The following EXOC2 variants were observed in gnomAD, a reference collection of about 807,000 sequenced individuals.
The protein encoded by EXOC2 is SEC5-like 1.
In EXOC2, 70 loss-of-function variants were observed where a neutral mutation model predicts 131.8. That is an observed-to-expected ratio of 0.53 (90% CI 0.44 to 0.65). EXOC2 has a LOEUF of 0.65. Among genes scored for constraint, EXOC2 ranks in the 30% least tolerant of loss-of-function variants. The probability of loss-of-function intolerance (pLI) is 0.00; values close to 1 mark genes in which losing one functional copy is unlikely to be tolerated. For synonymous variants in EXOC2, 411 were observed against 398.4 expected, an observed-to-expected ratio of 1.03 and a Z score of -0.38; for missense variants, 923 against 1,108.6, an observed-to-expected ratio of 0.83 and a Z score of 2.38.
rs540626424 is a variant in EXOC2, at chr6:666,133, CA to C, written c.-44+26885del. Among the ~76,000 whole-genome samples, 820 of 152,218 alleles carry C rather than the reference CA, an allele frequency of 5.4e-3. 7 individuals carry two copies. The highest frequency in any genetic ancestry group is 0.018 in the African/African-American group (768 of 41,524). ...CCAAAAACTACTACACTGCCCTTCACAAAAAGAGTGTGCCAATCCGTTAGGT... is the reference window on the plus strand; with the variant it reads ...CCAAAAACTACTACACTGCCCTTCACAAAAGAGTGTGCCAATCCGTTAGGT... On this transcript the variant is annotated intron_variant, in intron 1 of 27. Coordinates refer to ENST00000230449, the MANE Select transcript of EXOC2 (RefSeq NM_018303.6).
At chr6:497,512 G>C in intron 24 of EXOC2, 23 bp from the exon 25 acceptor site, 1 of 1,589,308 alleles carries the variant, frequency 6.3e-7, no homozygotes, top group South Asian at 1.2e-5. Flanking sequence ...AGGAAGACAT[G>C]GTGCTTTGTG....
chr6:676,261 AACATTAC>A, intron 1 of EXOC2, among the ~76,000 whole-genome samples: 1 of 116,780 alleles, frequency 8.6e-6, no homozygotes, highest in Non-Finnish European at 1.8e-5. Context: ...CATACTCTTC[AACATTAC>A]GGAAAGGACA....
chr6:503,066 G>A (rs931428867), intron 23 of EXOC2, among the ~76,000 whole-genome samples: 1 of 152,112 alleles, frequency 6.6e-6, no homozygotes, highest in Non-Finnish European at 1.5e-5. Context: ...GCCTGTGCTG[G>A]TATTATAATT....
At chr6:602,873 C>T (rs1013879490) in intron 7 of EXOC2, among the ~76,000 whole-genome samples, 34 of 152,326 alleles carry the variant, frequency 2.2e-4, no homozygotes, top group African/African-American at 8.2e-4. Context: ...TAGCATTACA[C>T]ACCAGTCGGT....
intron 1 of EXOC2, among the ~76,000 whole-genome samples, chr6:685,974 TC>T (rs1284538568): frequency 2.5e-5 from 2 of 79,276 alleles, no homozygotes; most frequent in African/African-American, 7.3e-5. Flanking sequence ...TTCCTGGACC[TC>T]TTTTTTTTTT....
chr6:685,215 G>A (rs1764592205), intron 1 of EXOC2, among the ~76,000 whole-genome samples: 1 of 151,960 alleles, frequency 6.6e-6, no homozygotes, highest in African/African-American at 2.4e-5. Context: ...GCATCACCAG[G>A]GAACAAATCA....
chr6:499,346 A>G (rs1763907612), intron 24 of EXOC2, among the ~76,000 whole-genome samples: 1 of 152,100 alleles, frequency 6.6e-6, no homozygotes, highest in South Asian at 2.1e-4. Flanking sequence ...CATCCTTGCA[A>G]TCTATCTTCA....
chr6:659,274 C>T (rs1763304100), intron 1 of EXOC2, among the ~76,000 whole-genome samples: 1 of 152,202 alleles, frequency 6.6e-6, no homozygotes, highest in African/African-American at 2.4e-5. Context: ...CAGAAAGCAT[C>T]TTTGTCTTAT....
At chr6:577,396 A>AC (rs1300015147) in intron 11 of EXOC2, among the ~76,000 whole-genome samples, 1 of 152,168 alleles carries the variant, frequency 6.6e-6, no homozygotes, top group Non-Finnish European at 1.5e-5. Context: ...AGAACATTCT[A>AC]CTACCATCAA....
At chr6:635,442 T>TA (rs1333553435) in intron 2 of EXOC2, among the ~76,000 whole-genome samples, 1 of 152,190 alleles carries the variant, frequency 6.6e-6, no homozygotes, top group African/African-American at 2.4e-5. Flanking sequence ...AATCAGCAAA[T>TA]AATTCAAACA....
chr6:677,301 AG>A (rs1388468561), intron 1 of EXOC2, among the ~76,000 whole-genome samples: 1 of 152,208 alleles, frequency 6.6e-6, no homozygotes, highest in African/African-American at 2.4e-5. Flanking sequence ...TACACTTTAT[AG>A]GGATTTTGAC....
At position 584,353 on chromosome 6, in the gene EXOC2, A is replaced by G. The variant is rs7764620; in HGVS notation, c.1193-7471T>C. Among the ~76,000 whole-genome samples the G allele has an allele frequency of 7.9e-3, 1,202 of 152,360 alleles. 12 individuals are homozygous for G. Among genetic ancestry groups the G allele is most frequent in the African/African-American group, 0.028 (1,146 of 41,578 alleles). On this transcript the variant is annotated intron_variant, in intron 11 of 27. Transcript: ENST00000230449. ...AAAGGTCCTAGCTGTATTTTTTAAA[A>G]TAGCAAGATATAACAGTTTATACTA...
At chr6:680,019 T>C (rs929520079) in intron 1 of EXOC2, among the ~76,000 whole-genome samples, 10 of 96,312 alleles carry the variant, frequency 1.0e-4, no homozygotes, top group Non-Finnish European at 2.1e-4. Context: ...ATACTCCGGA[T>C]GACTATTTTT....
chr6:534,422 T>TGAGAGAGAGACAGAGA (rs1766305493), intron 22 of EXOC2, among the ~76,000 whole-genome samples: 1 of 145,404 alleles, frequency 6.9e-6, no homozygotes, highest in African/African-American at 2.7e-5. Context: ...TTACTCTAAA[T>TGAGAGAGAGACAGAGA]GAGAGAGAGA....
At chr6:486,980 G>A (rs904376871) in intron 27 of EXOC2, among the ~76,000 whole-genome samples, 7 of 152,202 alleles carry the variant, frequency 4.6e-5, no homozygotes, top group Non-Finnish European at 8.8e-5. Flanking sequence ...TGTTTGTACA[G>A]AAACATCTCC....
At chr6:628,764 A>C (rs991283132) in intron 4 of EXOC2, among the ~76,000 whole-genome samples, 3 of 152,186 alleles carry the variant, frequency 2.0e-5, no homozygotes, top group African/African-American at 7.2e-5. Context: ...CTGCAAGTCT[A>C]TTCATGCTTA....
intron 27 of EXOC2, 114 bp downstream of exon 27, chr6:488,865 A>C: frequency 8.9e-7 from 1 of 1,127,158 alleles, no homozygotes. Context: ...TCTGATTCTT[A>C]TTTGGATTCT....
intron 23 of EXOC2, among the ~76,000 whole-genome samples, chr6:500,385 C>T (rs1052084213): frequency 1.3e-5 from 2 of 152,162 alleles, no homozygotes; most frequent in Admixed American, 6.5e-5. Flanking sequence ...CAGAAACACA[C>T]AGGATTTAAG....
At chr6:550,758 A>T (rs923685643) in intron 21 of EXOC2, among the ~76,000 whole-genome samples, 1 of 152,218 alleles carries the variant, frequency 6.6e-6, no homozygotes, top group Non-Finnish European at 1.5e-5. Context: ...ACAAGGAGTA[A>T]GTAAACCTCA....
Sources: gnomAD v4.1 joint callset for allele counts (sites outside exome capture counted in the v4.1 genomes callset) on GRCh38, gnomAD v4.1.1 for gene constraint, MANE v1.5 for transcripts, NCBI Gene and HGNC (gene_info 2026-07-23, HGNC 2026-07-21) for gene names.